DUSP8: variants seen among roughly 807,000 people sequenced by gnomAD.
The protein encoded by DUSP8 is dual specificity phosphatase 8.
Under a neutral mutation model 38.7 loss-of-function variants are expected in DUSP8, and 15 were observed. The observed-to-expected ratio is 0.39, with a 90% CI of 0.26 to 0.60. DUSP8 has a LOEUF of 0.60. DUSP8 is among the 20% of genes least tolerant of loss of function. The probability of loss-of-function intolerance (pLI) is 0.56; values close to 1 mark genes in which losing one functional copy is unlikely to be tolerated. For synonymous variants in DUSP8, 458 were observed against 433.9 expected, an observed-to-expected ratio of 1.06 and a Z score of -0.69; for missense variants, 768 against 915.0, an observed-to-expected ratio of 0.84 and a Z score of 2.07.
In DUSP8 at chr11:1,558,349, C is replaced by A; in HGVS notation, c.538-78G>T. 7.9e-7 allele frequency: 1 copy of A among 1,261,226 alleles called. No homozygotes were observed. The highest frequency in any genetic ancestry group is 1.1e-6 in the Non-Finnish European group (1 of 903,792). 78.1% of individuals were successfully genotyped at this position (1,261,226 alleles called of 1,614,324 possible). A position where few individuals can be genotyped will look rare whatever the true frequency, so the allele number is the denominator to read the frequency against. On this transcript the variant is annotated intron_variant, in intron 4 of 6. Coordinates refer to ENST00000397374, the MANE Select transcript of DUSP8 (RefSeq NM_004420.3). The surrounding 1 kb of genome is among the most constrained non-coding windows in gnomAD (Gnocchi z 6.3). ...AGTGAAGGTGGAGGCTTTTCCTGCC[C>A]TGCCGTCAGGAGGGCCTTTAGAATC...
At chr11:1,559,238 G>A (rs1013943616) in intron 3 of DUSP8, 183 bp from the exon 4 acceptor site, 6 of 559,550 alleles carry the variant, frequency 1.1e-5, no homozygotes, top group Non-Finnish European at 1.8e-5. Context: ...GCGGTGGGGG[G>A]AGGGGGTACT....
In DUSP8 at chr11:1,558,909, G is replaced by T; in HGVS notation, c.517C>A (p.Gln173Lys). ...CACACCTTGTTTAGGACGTCCTTCT[G>T]CGAGCCCAGGTAGAGGTGAGGCAGG... ...RILPHLYLGS[Q>K]KDVLNKDLMT... The change falls in exon 4 of 7, where the codon CAG becomes AAG. Residue 173 changes from glutamine to lysine, a missense_variant. This residue lies in a region of DUSP8 where 252 missense variants were observed against 410.4 expected (regional missense o/e 0.61). Coordinates refer to ENST00000397374, the MANE Select transcript of DUSP8 (RefSeq NM_004420.3). This position sits in a 1 kb window ranked among gnomAD's most constrained non-coding sequence, Gnocchi z 6.3. 6.2e-7 allele frequency: 1 copy of T among 1,610,686 alleles called. No homozygotes were observed. Among genetic ancestry groups the T allele is most frequent in the Non-Finnish European group, 8.5e-7 (1 of 1,178,150 alleles).
At position 1,555,007 on chromosome 11, in the gene DUSP8, G is replaced by A; in HGVS notation, c.*1511C>T. 1.0e-6 allele frequency: 1 copy of A among 986,206 alleles called. No individual in the cohort carries two copies. The highest frequency in any genetic ancestry group is 1.2e-6 in the Non-Finnish European group (1 of 830,176). 61.1% of individuals were successfully genotyped at this position (986,206 alleles called of 1,614,324 possible). On this transcript the variant is annotated 3_prime_UTR_variant, in exon 7 of 7. Transcript: ENST00000397374. The stretch of plus-strand genomic sequence containing the variant: ...AAACAGCAGAGAGGGCGGCTGGCTG[G>A]GGCGGGATGGGCGCCTCCCTGGCCC...
chr11:1,567,947 A>G (rs1353227455), intron 1 of DUSP8, among the ~76,000 whole-genome samples: 1 of 152,072 alleles, frequency 6.6e-6, no homozygotes, highest in Non-Finnish European at 1.5e-5. Flanking sequence ...CCCGAGTTCT[A>G]CCTGAGCCTT....
Position 1,554,795 on chromosome 11 carries a change from TTAA to T in DUSP8, c.*1720_*1722del, listed in dbSNP as rs759803010. The T allele has an allele frequency of 7.4e-5, 39 of 523,930 alleles. No homozygotes were observed. Among genetic ancestry groups the T allele is most frequent in the African/African-American group, 2.1e-4 (10 of 48,346 alleles). The allele number at this position is 523,930 out of a possible 1,614,324, so 32.5% of individuals were successfully genotyped here. A position where few individuals can be genotyped will look rare whatever the true frequency, so the allele number is the denominator to read the frequency against. ...ACATATGGGAGGCAAATTTACATAA[TTAA>T]TAATAATTAACCAATAATAATAAAT... On this transcript the variant is annotated 3_prime_UTR_variant, in exon 7 of 7. Coordinates refer to ENST00000397374, the MANE Select transcript of DUSP8 (RefSeq NM_004420.3).
intron 3 of DUSP8, among the ~76,000 whole-genome samples, chr11:1,560,865 G>A (rs1848707540): frequency 1.3e-5 from 2 of 152,174 alleles, no homozygotes; most frequent in African/African-American, 4.8e-5. Flanking sequence ...CCAGGGCCTG[G>A]CCAAAGGAGG....
chr11:1,561,902 C>A (rs1848722654), intron 3 of DUSP8, among the ~76,000 whole-genome samples: 1 of 152,214 alleles, frequency 6.6e-6, no homozygotes, highest in Admixed American at 6.5e-5. Flanking sequence ...TGGGAGGGAG[C>A]CTGAGGGCAG....
In DUSP8 at chr11:1,558,342, T is replaced by A; in HGVS notation, c.538-71A>T. On this transcript the variant is annotated intron_variant, in intron 4 of 6. Transcript: ENST00000397374. The surrounding 1 kb of genome is among the most constrained non-coding windows in gnomAD (Gnocchi z 6.3). ...GGGCGGGAGTGAAGGTGGAGGCTTT[T>A]CCTGCCCTGCCGTCAGGAGGGCCTT... 7.7e-7 allele frequency: 1 copy of A among 1,304,380 alleles called. No homozygotes were observed. The highest frequency in any genetic ancestry group is 1.1e-6 in the Non-Finnish European group (1 of 940,664). The allele number at this position is 1,304,380 out of a possible 1,614,324, so 80.8% of individuals were successfully genotyped here.
At chr11:1,564,931 C>T (rs578010776) in intron 2 of DUSP8, among the ~76,000 whole-genome samples, 49 of 152,320 alleles carry the variant, frequency 3.2e-4, no homozygotes, top group Admixed American at 2.5e-3. Context: ...TTGTCCCCTG[C>T]GAGGCAGTAG....
rs1848634500 is a variant in DUSP8, at chr11:1,556,876, GC to G, written c.1519del (p.Ala507ProfsTer157). ...TGGGGAGTCGAGCGGCGGTGCCCAGGCCCCGGGGCCGGCCGGCTGGCCAGGG... is the reference window on the plus strand; with the variant it reads ...TGGGGAGTCGAGCGGCGGTGCCCAGGCCCGGGGCCGGCCGGCTGGCCAGGG... ...PGPGQPAGPG[A>X]WAPPLDSPGT... On this transcript the variant is annotated frameshift_variant, in exon 7 of 7. Coordinates refer to ENST00000397374, the MANE Select transcript of DUSP8 (RefSeq NM_004420.3). LOFTEE classifies it high-confidence loss of function. The surrounding 1 kb of genome is among the most constrained non-coding windows in gnomAD (Gnocchi z 5.2). 7.2e-6 allele frequency: 8 copies of G among 1,111,488 alleles called. No homozygotes were observed. Among genetic ancestry groups the G allele is most frequent in the Non-Finnish European group, 3.3e-6 (3 of 911,550 alleles). 68.9% of individuals were successfully genotyped at this position (1,111,488 alleles called of 1,614,324 possible).
intron 2 of DUSP8, among the ~76,000 whole-genome samples, chr11:1,564,956 G>T (rs545282191): frequency 2.0e-5 from 3 of 152,188 alleles, no homozygotes; most frequent in African/African-American, 7.2e-5. Context: ...AGGAGGTGCC[G>T]CCACCTTCAC....
intron 1 of DUSP8, 110 bp from the exon 2 acceptor site, chr11:1,566,044 T>A: frequency 1.8e-6 from 1 of 558,428 alleles, no homozygotes; most frequent in South Asian, 2.5e-5. Context: ...CACACCAACA[T>A]GTGCCCGTGG....
intron 1 of DUSP8, among the ~76,000 whole-genome samples, chr11:1,566,176 AG>A (rs1355971170): frequency 6.6e-6 from 1 of 152,106 alleles, no homozygotes; most frequent in Non-Finnish European, 1.5e-5. Flanking sequence ...GGAAGAGGCC[AG>A]GGGTCCTTCC....
chr11:1,566,066 C>T, intron 1 of DUSP8, 132 bp from the exon 2 acceptor site: 1 of 542,526 alleles, frequency 1.8e-6, no homozygotes, highest in East Asian at 2.8e-5. Flanking sequence ...AACCCTTCTC[C>T]CTCTGGAGAG....
At position 1,555,776 on chromosome 11, in the gene DUSP8, T is replaced by C. The variant is rs1848611998; in HGVS notation, c.*742A>G. 1 of 152,492 alleles carries C rather than the reference T, an allele frequency of 6.6e-6. No homozygotes were observed. The highest frequency in any genetic ancestry group is 6.5e-5 in the Admixed American group (1 of 15,284). 9.4% of individuals were successfully genotyped at this position (152,492 alleles called of 1,614,324 possible). The stretch of plus-strand genomic sequence containing the variant: ...GGAGTTGGGGGCACTAACACCTCTG[T>C]CCTCCCCTGGGCTGCACCTCATCTG... On this transcript the variant is annotated 3_prime_UTR_variant, in exon 7 of 7. Coordinates refer to ENST00000397374, the MANE Select transcript of DUSP8 (RefSeq NM_004420.3).
Position 1,557,582 on chromosome 11 carries a change from G to C in DUSP8, c.822-8C>G. ...CGCCTGTCCTTCACGAACCTGCGGGGGAGGAGGCTCAGTCCCAGGCGCCCG... is the reference window on the plus strand; with the variant it reads ...CGCCTGTCCTTCACGAACCTGCGGGCGAGGAGGCTCAGTCCCAGGCGCCCG... On this transcript the variant is annotated splice_polypyrimidine_tract_variant and splice_region_variant and intron_variant, in intron 6 of 6. Coordinates refer to ENST00000397374, the MANE Select transcript of DUSP8 (RefSeq NM_004420.3). The surrounding 1 kb of genome is among the most constrained non-coding windows in gnomAD (Gnocchi z 9.9). 1 of 1,563,996 alleles carries C rather than the reference G, an allele frequency of 6.4e-7. No homozygotes were observed. The highest frequency in any genetic ancestry group is 8.6e-7 in the Non-Finnish European group (1 of 1,163,536).
At chr11:1,567,873 GT>G (rs1376473608) in intron 1 of DUSP8, among the ~76,000 whole-genome samples, 1 of 152,210 alleles carries the variant, frequency 6.6e-6, no homozygotes, top group Non-Finnish European at 1.5e-5. Flanking sequence ...GCTGTGGAGG[GT>G]CTCTGCCTGC....
At chr11:1,570,970 C>T (rs1447496217) in intron 1 of DUSP8, among the ~76,000 whole-genome samples, 1 of 149,310 alleles carries the variant, frequency 6.7e-6, no homozygotes, top group Non-Finnish European at 1.5e-5. Flanking sequence ...AGCAAGAGCA[C>T]TGCGGAGCCA....
chr11:1,558,842 C>A lies in DUSP8; in HGVS notation c.537+47G>T. On this transcript the variant is annotated intron_variant, in intron 4 of 6. Coordinates refer to ENST00000397374, the MANE Select transcript of DUSP8 (RefSeq NM_004420.3). This position sits in a 1 kb window ranked among gnomAD's most constrained non-coding sequence, Gnocchi z 6.3. ...CGCTGCCAAGCTGCTTCTGGAGCTC[C>A]TGCCCCTTTCCCATTGACCACCCCC... The A allele has an allele frequency of 1.3e-6, 2 of 1,562,118 alleles. No individual in the cohort carries two copies. The highest frequency in any genetic ancestry group is 1.7e-6 in the Non-Finnish European group (2 of 1,150,724).
Sources: gnomAD v4.1 joint callset for allele counts (sites outside exome capture counted in the v4.1 genomes callset) on GRCh38, gnomAD v4.1.1 for gene constraint, gnomAD v4.1.1 regional missense constraint, Gnocchi (gnomAD v3.1) non-coding constraint, MANE v1.5 for transcripts, NCBI Gene and HGNC (gene_info 2026-07-23, HGNC 2026-07-21) for gene names.